Variants in THADA observed in about 807,000 individuals in gnomAD.
The protein encoded by THADA is tRNA (32-2'-O)-methyltransferase regulator THADA.
Under a neutral mutation model 219.8 loss-of-function variants are expected in THADA, and 213 were observed. That is an observed-to-expected ratio of 0.97 (90% confidence interval 0.87 to 1.09). The LOEUF (loss-of-function observed/expected upper bound fraction) is 1.09, where lower values mean the gene tolerates loss of function less well. Among genes scored for constraint, THADA ranks in the 50% least tolerant of loss-of-function variants. The pLI is 0.00. For synonymous variants in THADA, 1,018 were observed against 828.9 expected (o/e 1.23, Z -3.92); for missense variants, 2,956 against 2,311.3 (o/e 1.28, Z -5.72).
intron 36 of THADA, among the ~76,000 whole-genome samples, chr2:43,269,504 C>T (rs941040435): frequency 1.3e-5 from 2 of 152,120 alleles, no homozygotes; most frequent in African/African-American, 2.4e-5. Context: ...TCATGGGAGC[C>T]GCTGCCAGTG....
chr2:43,534,209 A>G (rs911755473), intron 21 of THADA, among the ~76,000 whole-genome samples: 1 of 152,200 alleles, frequency 6.6e-6, no homozygotes, highest in African/African-American at 2.4e-5. Flanking sequence ...ATTGACAAAT[A>G]ATTATCCATA....
In THADA at chr2:43,541,307, AC is replaced by A; in HGVS notation, c.3115del (p.Val1039Ter). On this transcript the variant is annotated frameshift_variant, in exon 21 of 38. Transcript: ENST00000405975. LOFTEE classifies it high-confidence loss of function. ...CTGCGCAGTTACATCACATGTTTTT[AC>A]TTCTTTACCTTAAACAAAAAAAAAC... ...DTSTEIKGKE[V>X]KTCDVTAQMV... 6.2e-7 allele frequency: 1 copy of A among 1,612,872 alleles called. No homozygotes were observed. The highest frequency in any genetic ancestry group is 8.5e-7 in the Non-Finnish European group (1 of 1,179,506).
At chr2:43,451,321 A>C (rs955711760) in intron 26 of THADA, among the ~76,000 whole-genome samples, 6 of 152,198 alleles carry the variant, frequency 3.9e-5, no homozygotes, top group Non-Finnish European at 7.3e-5. Context: ...CTGAACAGCT[A>C]TCCACACTCC....
intron 31 of THADA, among the ~76,000 whole-genome samples, chr2:43,307,247 G>C (rs1676969234): frequency 6.6e-6 from 1 of 152,242 alleles, no homozygotes; most frequent in South Asian, 2.1e-4. Context: ...GAGGAACCCA[G>C]AGCCCAGAGG....
At chr2:43,514,620 T>TTA (rs1036814402) in intron 22 of THADA, among the ~76,000 whole-genome samples, 1 of 105,986 alleles carries the variant, frequency 9.4e-6, no homozygotes, top group African/African-American at 4.0e-5. Context: ...TTTATATATT[T>TTA]TATATATATG....
chr2:43,418,473 T>C (rs373941136), intron 28 of THADA, among the ~76,000 whole-genome samples: 3 of 152,122 alleles, frequency 2.0e-5, no homozygotes, highest in African/African-American at 7.2e-5. Context: ...AGAAGTTCCC[T>C]GACTGCAGCT....
intron 26 of THADA, among the ~76,000 whole-genome samples, chr2:43,466,744 A>G (rs1253580362): frequency 1.3e-5 from 2 of 152,076 alleles, no homozygotes; most frequent in Non-Finnish European, 2.9e-5. Flanking sequence ...CCTAAGAGAT[A>G]TTTTCCCCAT....
intron 30 of THADA, among the ~76,000 whole-genome samples, chr2:43,337,261 G>A (rs1169548642): frequency 2.0e-5 from 3 of 152,114 alleles, no homozygotes; most frequent in African/African-American, 7.2e-5. Context: ...TCTCTGTTTG[G>A]TAATATAGAA....
At chr2:43,573,070 C>T in intron 11 of THADA, 78 bp from the exon 12 acceptor site, 4 of 1,147,830 alleles carry the variant, frequency 3.5e-6, no homozygotes, top group Non-Finnish European at 4.7e-6. Flanking sequence ...TTTCATGTTT[C>T]CAATTAACAT....
At chr2:43,487,721 C>T (rs1317038893) in intron 25 of THADA, among the ~76,000 whole-genome samples, 1 of 152,164 alleles carries the variant, frequency 6.6e-6, no homozygotes, top group African/African-American at 2.4e-5. Flanking sequence ...CCCCAGTGAG[C>T]TGCCTCACTT....
chr2:43,294,086 A>C (rs552845211), intron 31 of THADA, among the ~76,000 whole-genome samples: 1 of 152,294 alleles, frequency 6.6e-6, no homozygotes, highest in South Asian at 2.1e-4. Flanking sequence ...TACTTAAGCC[A>C]AGATGTGTTT....
chr2:43,279,855 G>A lies in THADA; in HGVS notation c.5206C>T (p.Leu1736Phe), dbSNP rs757419411. 6.4e-7 allele frequency: 1 copy of A among 1,569,602 alleles called. No homozygotes were observed. Among genetic ancestry groups the A allele is most frequent in the African/African-American group, 1.4e-5 (1 of 73,974 alleles). The change falls in exon 36 of 38, where the codon CTT (leucine) becomes TTT (phenylalanine). Residue 1736 changes from leucine to phenylalanine, a missense_variant. Leu to Phe is a conservative substitution (Grantham distance 22, BLOSUM62 0). Coordinates refer to ENST00000405975, the MANE Select transcript of THADA (RefSeq NM_022065.5). ...TLALWKCVLT[L>F]LQSEEQAVRD... is the part of the protein sequence containing the mutation. ...ACAGCTTGCTCCTCACTCTGCAGAA[G>A]GGTAAGGACACACTTCCAGAGAGCA...
At chr2:43,399,695 A>T (rs577665481) in intron 28 of THADA, among the ~76,000 whole-genome samples, 1 of 152,284 alleles carries the variant, frequency 6.6e-6, no homozygotes, top group African/African-American at 2.4e-5. Flanking sequence ...TGGTTACAGT[A>T]GGTAGCTGGA....
chr2:43,263,463 T>A lies in THADA; in HGVS notation c.5296+16302A>T, dbSNP rs545224938. On this transcript the variant is annotated intron_variant, in intron 36 of 37. Transcript: ENST00000405975. ...GTGAGAAGAAAAATGTATGTTCTTA[T>A]CCCTTCTTTCCTACCTAAAATGTTG... 3.9e-5 allele frequency among the ~76,000 whole-genome samples: 6 copies of A among 152,280 alleles called. No individual in the cohort carries two copies. The Middle Eastern group carries it at 0.01, about 259-fold the overall frequency.
At chr2:43,420,302 T>C (rs1677535995) in intron 28 of THADA, among the ~76,000 whole-genome samples, 1 of 152,234 alleles carries the variant, frequency 6.6e-6, no homozygotes, top group Non-Finnish European at 1.5e-5. Context: ...AGCATGTATT[T>C]TACCTTATTA....
intron 26 of THADA, chr2:43,430,513 C>G: frequency 1.9e-6 from 1 of 537,058 alleles, no homozygotes; most frequent in Non-Finnish European, 3.4e-6. Flanking sequence ...GAACTTTTAT[C>G]TCAAAATTTA....
At chr2:43,509,006 C>A (rs1229622736) in intron 22 of THADA, among the ~76,000 whole-genome samples, 1 of 152,036 alleles carries the variant, frequency 6.6e-6, no homozygotes, top group Non-Finnish European at 1.5e-5. Context: ...TGTGTCTTGT[C>A]TGCAAAATAA....
intron 30 of THADA, among the ~76,000 whole-genome samples, chr2:43,331,850 T>C (rs1243940547): frequency 3.3e-5 from 5 of 151,766 alleles, no homozygotes; most frequent in Admixed American, 6.6e-5. Flanking sequence ...TATTTCACTG[T>C]CTAAATTTTC....
intron 36 of THADA, among the ~76,000 whole-genome samples, chr2:43,252,665 T>C (rs1235647209): frequency 6.6e-6 from 1 of 152,182 alleles, no homozygotes; most frequent in Admixed American, 6.5e-5. Context: ...CAGGCTATTA[T>C]TCTACATTAT....
Sources: allele counts gnomAD v4.1 joint callset (sites outside exome capture counted in the v4.1 genomes callset), GRCh38; gene constraint gnomAD v4.1.1; transcripts MANE v1.5; gene names NCBI Gene and HGNC (gene_info 2026-07-23, HGNC 2026-07-21).